Variants in RASGEF1C observed in about 807,000 individuals in gnomAD.
The protein encoded by RASGEF1C is RasGEF domain family member 1C.
RASGEF1C carries 27 observed loss-of-function variants against 58.1 expected under a neutral mutation model. The observed-to-expected ratio is 0.46, with a 90% CI of 0.34 to 0.64. RASGEF1C has a LOEUF of 0.64. RASGEF1C is among the 30% of genes least tolerant of loss of function. The probability of loss-of-function intolerance (pLI) is 0.01; values close to 1 mark genes in which losing one functional copy is unlikely to be tolerated. For missense variants in RASGEF1C, 502 were observed against 605.1 expected (o/e 0.83, Z 1.79); for synonymous variants, 243 against 246.3 (o/e 0.99, Z 0.13).
At chr5:180,109,414 C>T (rs560997678) in intron 12 of RASGEF1C, among the ~76,000 whole-genome samples, 8 of 152,022 alleles carry the variant, frequency 5.3e-5, no homozygotes, top group South Asian at 2.1e-4. Flanking sequence ...GCCGAGATTG[C>T]GCCACTGCAC....
At chr5:180,128,153 C>T (rs952884413) in intron 5 of RASGEF1C, among the ~76,000 whole-genome samples, 6 of 152,206 alleles carry the variant, frequency 3.9e-5, no homozygotes, top group Non-Finnish European at 8.8e-5. Flanking sequence ...CGCACGGGAG[C>T]GCGCTGAAGA....
rs188528716 is a variant in RASGEF1C at position 180,174,534 on chromosome 5, G to C, written c.-7+34494C>G. On this transcript the variant is annotated intron_variant, in intron 1 of 13. Coordinates refer to ENST00000361132, the MANE Select transcript of RASGEF1C (RefSeq NM_175062.4). Reference sequence around the variant, plus strand: ...CGTGCGCGTACACACGTGTGTCTCTGTGTGTGCGTGTGTGCGTGTGTCTGT... The same window carrying C: ...CGTGCGCGTACACACGTGTGTCTCTCTGTGTGCGTGTGTGCGTGTGTCTGT... Among the ~76,000 whole-genome samples the C allele has an allele frequency of 1.4e-4, 17 of 125,728 alleles. No individual in the cohort carries two copies. The East Asian group carries it at 2.2e-3, about 16-fold the overall frequency. 82.5% of individuals were successfully genotyped at this position (125,728 alleles called of 152,430 possible). A position where few individuals can be genotyped will look rare whatever the true frequency, so the allele number is the denominator to read the frequency against.
intron 1 of RASGEF1C, among the ~76,000 whole-genome samples, chr5:180,178,746 C>T (rs935134551): frequency 3.3e-5 from 5 of 152,158 alleles, no homozygotes; most frequent in Admixed American, 3.3e-4. Flanking sequence ...CAGACCACGG[C>T]GCAGATGTGG....
chr5:180,137,477 C>G lies in RASGEF1C; in HGVS notation c.300+113G>C. On this transcript the variant is annotated intron_variant, in intron 3 of 13. Coordinates refer to ENST00000361132, the MANE Select transcript of RASGEF1C (RefSeq NM_175062.4). The surrounding 1 kb of genome is among the most constrained non-coding windows in gnomAD (Gnocchi z 4.1). ...ACAAGGTGGAAACACCCGGTAGCCA[C>G]CTTGTCAGGAAAACGGGGACAATCA... 1 of 1,446,206 alleles carries G rather than the reference C, an allele frequency of 6.9e-7. No individual in the cohort carries two copies. The highest frequency in any genetic ancestry group is 9.4e-7 in the Non-Finnish European group (1 of 1,065,492). The allele number at this position is 1,446,206 out of a possible 1,614,324, so 89.6% of individuals were successfully genotyped here.
chr5:180,128,404 G>A lies in RASGEF1C; in HGVS notation c.639+6C>T, dbSNP rs1483584074. 6 of 1,612,212 alleles carry A rather than the reference G, an allele frequency of 3.7e-6. No homozygotes were observed. In the Admixed American group the frequency reaches 6.7e-5, roughly 18 times the overall value. On this transcript the variant is annotated splice_donor_region_variant and intron_variant, in intron 5 of 13. Transcript: ENST00000361132. ...CGGGTGAGGAAGGTGGTTTGGGCCG[G>A]CTTACCAGTTCCACGTGGGTCAGCT...
At chr5:180,130,579 G>A (rs1269567624) in intron 4 of RASGEF1C, among the ~76,000 whole-genome samples, 2 of 152,200 alleles carry the variant, frequency 1.3e-5, no homozygotes, top group African/African-American at 2.4e-5. Flanking sequence ...ACTCCCATCA[G>A]TCAATTCGTT....
intron 3 of RASGEF1C, chr5:180,136,774 G>T: frequency 6.0e-6 from 3 of 497,284 alleles, no homozygotes; most frequent in East Asian, 3.7e-5. Flanking sequence ...GAGTCTTCGC[G>T]CTGCGGGGAG....
chr5:180,164,318 A>C (rs1766988045), intron 1 of RASGEF1C, among the ~76,000 whole-genome samples: 1 of 152,110 alleles, frequency 6.6e-6, no homozygotes, highest in South Asian at 2.1e-4. Context: ...GTGAAATTTC[A>C]ATGATTGATT....
intron 1 of RASGEF1C, among the ~76,000 whole-genome samples, chr5:180,164,962 C>T (rs554268825): frequency 6.6e-6 from 1 of 152,286 alleles, no homozygotes; most frequent in South Asian, 2.1e-4. Flanking sequence ...GGTGCACATA[C>T]ATTTAGGATT....
chr5:180,154,424 G>C (rs1421844773), intron 1 of RASGEF1C, among the ~76,000 whole-genome samples: 1 of 152,152 alleles, frequency 6.6e-6, no homozygotes, highest in Non-Finnish European at 1.5e-5. Flanking sequence ...TCATTCTTCA[G>C]TGTCTTTTGT....
intron 1 of RASGEF1C, among the ~76,000 whole-genome samples, chr5:180,193,499 T>C (rs1205538716): frequency 6.6e-6 from 1 of 152,014 alleles, no homozygotes; most frequent in African/African-American, 2.4e-5. Context: ...GGGAGGGACA[T>C]GCAAGGTGAC....
chr5:180,181,589 C>T (rs532256768), intron 1 of RASGEF1C, among the ~76,000 whole-genome samples: 13 of 152,274 alleles, frequency 8.5e-5, no homozygotes, highest in Admixed American at 7.2e-4. Flanking sequence ...TGGAGTGATG[C>T]GGCTTCAAGC....
At chr5:180,105,697 G>A (rs569283795) in intron 12 of RASGEF1C, among the ~76,000 whole-genome samples, 141 of 151,860 alleles carry the variant, frequency 9.3e-4, no homozygotes, top group African/African-American at 3.2e-3. Context: ...GTGAAACCCC[G>A]TCTCTACTAA....
chr5:180,103,361 G>A (rs759510088), intron 12 of RASGEF1C, among the ~76,000 whole-genome samples: 2 of 152,228 alleles, frequency 1.3e-5, no homozygotes, highest in South Asian at 2.1e-4. Flanking sequence ...ACAGGCGTGA[G>A]CCACCGCACC....
intron 11 of RASGEF1C, among the ~76,000 whole-genome samples, chr5:180,111,974 G>C (rs1172062150): frequency 6.6e-6 from 1 of 152,152 alleles, no homozygotes; most frequent in Non-Finnish European, 1.5e-5. Flanking sequence ...TTTAAATAAA[G>C]AGCAGTGCAC....
intron 12 of RASGEF1C, among the ~76,000 whole-genome samples, chr5:180,107,841 C>T (rs183201895): frequency 5.3e-5 from 8 of 152,296 alleles, no homozygotes; most frequent in African/African-American, 1.2e-4. Context: ...AGGCTGGTCT[C>T]GAATTCCTGG....
rs59848982 is a variant in RASGEF1C, at chr5:180,203,130, G to A, written c.-7+5898C>T. On this transcript the variant is annotated intron_variant, in intron 1 of 13. Transcript: ENST00000361132. ...CCAACATCCAACAGGCAGTTTCTAT[G>A]GTGCTCACCGGCATGAGCTCTACCT... is the stretch of plus-strand genomic sequence containing the variant. Among the ~76,000 whole-genome samples the A allele has an allele frequency of 6.2e-3, 951 of 152,292 alleles. 10 individuals carry two copies. Among genetic ancestry groups the A allele is most frequent in the Middle Eastern group, 0.031 (9 of 294 alleles).
chr5:180,194,453 G>A (rs1013284547), intron 1 of RASGEF1C, among the ~76,000 whole-genome samples: 3 of 152,220 alleles, frequency 2.0e-5, no homozygotes, highest in African/African-American at 4.8e-5. Flanking sequence ...GCACCCATGC[G>A]GAAGCATCTG....
At chr5:180,187,413 T>C (rs1211583158) in intron 1 of RASGEF1C, among the ~76,000 whole-genome samples, 3 of 151,970 alleles carry the variant, frequency 2.0e-5, no homozygotes, top group Admixed American at 2.0e-4. Flanking sequence ...TAAACTAGAC[T>C]TCATCAAAAT....
Sources: allele counts gnomAD v4.1 joint callset (sites outside exome capture counted in the v4.1 genomes callset), GRCh38; gene constraint gnomAD v4.1.1; non-coding constraint Gnocchi (gnomAD v3.1); transcripts MANE v1.5; gene names NCBI Gene and HGNC (gene_info 2026-07-23, HGNC 2026-07-21).